JAK1: variants seen among roughly 807,000 people sequenced by gnomAD.
JAK1 encodes the protein tyrosine-protein kinase JAK1.
A neutral mutation model predicts 136.6 loss-of-function variants in JAK1; 16 were observed. The observed-to-expected ratio is 0.12, with a 90% CI of 0.08 to 0.18. JAK1 has a LOEUF of 0.18. JAK1 is among the 10% of genes least tolerant of loss of function. JAK1 has a pLI of 1.00. For synonymous variants in JAK1, 492 were observed against 519.5 expected (o/e 0.95, Z 0.72); for missense variants, 859 against 1,450.1 (o/e 0.59, Z 6.62).
chr1:64,848,771 G>A (rs1436897144), intron 12 of JAK1, among the ~76,000 whole-genome samples: 3 of 152,140 alleles, frequency 2.0e-5, no homozygotes, highest in Non-Finnish European at 2.9e-5. Context: ...GGACCCCCTG[G>A]AAATGCAGAA....
chr1:64,913,641 G>GAGGAAGGGAGGAAAGA (rs1645325697), intron 1 of JAK1, among the ~76,000 whole-genome samples: 13 of 56,866 alleles, frequency 2.3e-4, no homozygotes, highest in South Asian at 7.6e-4. Context: ...GGGAGGAAGG[G>GAGGAAGGGAGGAAAGA]AGGAAGGAAG....
At chr1:64,847,999 C>A (rs2780824) in intron 12 of JAK1, 110,978 of 237,780 alleles carry the variant, frequency 0.47, 29,847 homozygotes, top group African/African-American at 0.8. Flanking sequence ...CAACAGCCAG[C>A]CACATGGGTC....
Position 64,869,040 on chromosome 1 carries a change from G to A in JAK1, c.647+271C>T, listed in dbSNP as rs370967257. 1.2e-4 allele frequency among the ~76,000 whole-genome samples: 19 copies of A among 152,226 alleles called. 5 individuals carry two copies. The highest frequency in any genetic ancestry group is 2.4e-5 in the African/African-American group (1 of 41,552). ...TGTCCACCATGGGCAAGGAGGGGAC[G>A]GAGAAGGCCTGGGGGCCACTAATTT... is the stretch of plus-strand genomic sequence containing the variant. On this transcript the variant is annotated intron_variant, in intron 6 of 24. Coordinates refer to ENST00000342505, the MANE Select transcript of JAK1 (RefSeq NM_002227.4).
At chr1:65,033,133 CA>C (rs1364470374) in intron 2 of JAK1, among the ~76,000 whole-genome samples, 1 of 152,126 alleles carries the variant, frequency 6.6e-6, no homozygotes, top group African/African-American at 2.4e-5. Context: ...AAAAGGCCCC[CA>C]CCCTGGGGAT....
In JAK1 at chr1:65,027,782, G is replaced by T. The variant is rs1646990494; in HGVS notation, c.-78+16698C>A. On this transcript the variant is annotated intron_variant, in intron 2 of 25. Transcript: ENST00000671954. ...AAAAGTCCCACGTTGCATGGCAGTG[G>T]TCATGCCCTAGTACCCCTGCCATGC... Among the ~76,000 whole-genome samples the T allele has an allele frequency of 3.9e-5, 6 of 152,180 alleles. No homozygotes were observed. The South Asian group carries it at 1.2e-3, about 32-fold the overall frequency.
chr1:64,888,347 ATT>A (rs1644883609), intron 1 of JAK1, among the ~76,000 whole-genome samples: 1 of 152,030 alleles, frequency 6.6e-6, no homozygotes, highest in Non-Finnish European at 1.5e-5. Context: ...ACGTCCAGCT[ATT>A]TTTTGTATTT....
intron 13 of JAK1, 123 bp downstream of exon 13, chr1:64,847,409 G>C: frequency 2.5e-6 from 3 of 1,221,954 alleles, no homozygotes; most frequent in South Asian, 1.4e-5. Context: ...AAAATTCTGA[G>C]TAAAAGGCAA....
At chr1:65,011,786 T>C (rs1420269048) in intron 2 of JAK1, among the ~76,000 whole-genome samples, 1 of 151,678 alleles carries the variant, frequency 6.6e-6, no homozygotes, top group Non-Finnish European at 1.5e-5. Context: ...AGAAGGGGAG[T>C]GGAGTTAGGA....
rs778387065 is a variant in JAK1, at chr1:64,846,716, G to A, written c.1920C>T (p.Ser640=). 23 of 1,613,890 alleles carry A rather than the reference G, an allele frequency of 1.4e-5. No individual in the cohort carries two copies. The African/African-American group carries it at 2.8e-4, about 20-fold the overall frequency. ...GTTTGTGGGAGACCTGTCTCATCAT[G>A]CTGGCTGCCTCGAAGAAGGCCTGTG... ...DISLAFFEAA[S]MMRQVSHKHI... Residue 640 remains serine, a synonymous_variant, in exon 14 of 25, where the codon AGC becomes AGT. Coordinates refer to ENST00000342505, the MANE Select transcript of JAK1 (RefSeq NM_002227.4).
At chr1:64,993,114 A>G (rs1448259367) in intron 2 of JAK1, 2 of 152,198 alleles carry the variant, frequency 1.3e-5, no homozygotes, top group Non-Finnish European at 2.9e-5. Context: ...CTCTTCTTGT[A>G]CTACTCTACA....
At chr1:65,055,712 T>C (rs905214530) in intron 1 of JAK1, among the ~76,000 whole-genome samples, 1 of 152,178 alleles carries the variant, frequency 6.6e-6, no homozygotes, top group Non-Finnish European at 1.5e-5. Context: ...CTTACGTCTA[T>C]GAAATGCCTT....
chr1:64,855,420 TG>T (rs1235280054), intron 11 of JAK1, 88 bp downstream of exon 11: 4 of 1,243,852 alleles, frequency 3.2e-6, no homozygotes, highest in Non-Finnish European at 4.5e-6. Context: ...GGGTCCACTT[TG>T]TTTAAGTCAG....
intron 2 of JAK1, among the ~76,000 whole-genome samples, chr1:65,013,379 G>A (rs1344484266): frequency 6.7e-6 from 1 of 148,734 alleles, no homozygotes; most frequent in South Asian, 2.1e-4. Context: ...CTGGGCAACA[G>A]AGCAAGACTC....
chr1:64,960,224 T>A (rs1646258248), intron 1 of JAK1, among the ~76,000 whole-genome samples: 1 of 152,148 alleles, frequency 6.6e-6, no homozygotes, highest in African/African-American at 2.4e-5. Flanking sequence ...CGAGACCTTG[T>A]CTCAAAATAA....
intron 1 of JAK1, among the ~76,000 whole-genome samples, chr1:65,062,464 T>A (rs926630505): frequency 6.6e-6 from 1 of 152,174 alleles, no homozygotes; most frequent in Admixed American, 6.5e-5. Flanking sequence ...GGTCTCAGAT[T>A]TTCAAATTCC....
intron 1 of JAK1, among the ~76,000 whole-genome samples, chr1:65,064,970 G>A (rs1183244082): frequency 1.3e-5 from 2 of 152,138 alleles, no homozygotes; most frequent in Non-Finnish European, 2.9e-5. Flanking sequence ...AAGCTTTTCT[G>A]AAATACACGG....
At chr1:64,911,386 A>C (rs1325351280) in intron 1 of JAK1, among the ~76,000 whole-genome samples, 1 of 152,194 alleles carries the variant, frequency 6.6e-6, no homozygotes, top group Non-Finnish European at 1.5e-5. Context: ...GCCCCAGGCA[A>C]ACAGAGACAT....
intron 9 of JAK1, among the ~76,000 whole-genome samples, chr1:64,859,077 T>A (rs1656130813): frequency 6.6e-6 from 1 of 152,214 alleles, no homozygotes; most frequent in South Asian, 2.1e-4. Context: ...TGTTTCCCTA[T>A]GAGTCTGTGA....
chr1:64,897,614 A>T (rs937749648), intron 1 of JAK1, among the ~76,000 whole-genome samples: 10 of 142,640 alleles, frequency 7.0e-5, no homozygotes, highest in African/African-American at 2.6e-4. Flanking sequence ...AAGGCACTTG[A>T]CTGAAGACTA....
Sources: gnomAD v4.1 joint callset for allele counts (sites outside exome capture counted in the v4.1 genomes callset) on GRCh38, gnomAD v4.1.1 for gene constraint, MANE v1.5 for transcripts, NCBI Gene and HGNC (gene_info 2026-07-23, HGNC 2026-07-21) for gene names.